Variants in ACTR3C observed in about 807,000 individuals in gnomAD.
ACTR3C encodes actin-related protein 3C.
ACTR3C carries 18 observed loss-of-function variants against 26.3 expected under a neutral mutation model. That is an observed-to-expected ratio of 0.68 (90% CI 0.47 to 1.01). The LOEUF (loss-of-function observed/expected upper bound fraction) is 1.01, where lower values mean the gene tolerates loss of function less well. Ranked by LOEUF, ACTR3C falls within the 50% of genes least tolerant of loss-of-function variation. The pLI, the probability that ACTR3C is intolerant of heterozygous loss-of-function variation, is 0.00. For synonymous variants in ACTR3C, 55 were observed against 94.5 expected (o/e 0.58, Z 2.42); for missense variants, 184 against 250.7 (o/e 0.73, Z 1.80).
At chr7:150,087,404 C>A in the ACTR3C span, among the ~76,000 whole-genome samples, 1 of 152,116 alleles carries the variant, frequency 6.6e-6, no homozygotes. Context: ...GGCTTCCTCT[C>A]TCACTATAAA....
At chr7:149,891,463 AG>A in the ACTR3C span, 1 of 511,610 alleles carries the variant, frequency 2.0e-6, no homozygotes. Context: ...TGGAAAAAAA[AG>A]ATTAAGTTAC....
chr7:149,958,171 A>G, the ACTR3C span, among the ~76,000 whole-genome samples: 1 of 152,002 alleles, frequency 6.6e-6, no homozygotes, highest in Non-Finnish European at 1.5e-5. Flanking sequence ...ACTGTTGGGC[A>G]AGAGAAGTCT....
intron 2 of ACTR3C, among the ~76,000 whole-genome samples, 168 bp downstream of exon 2, chr7:150,295,084 T>C (rs1317305723): frequency 6.6e-6 from 1 of 151,754 alleles, no homozygotes; most frequent in Non-Finnish European, 1.5e-5. Flanking sequence ...AAAAGAAAAG[T>C]CATGGGACAC....
the ACTR3C span, among the ~76,000 whole-genome samples, chr7:150,164,744 CT>C: frequency 1.1e-4 from 17 of 152,046 alleles, no homozygotes; most frequent in Non-Finnish European, 2.1e-4. Flanking sequence ...TTTGTTTCTT[CT>C]TTTTTATCAT....
the ACTR3C span, among the ~76,000 whole-genome samples, chr7:150,030,680 C>T: frequency 2.0e-5 from 3 of 152,154 alleles, no homozygotes; most frequent in East Asian, 1.9e-4. Flanking sequence ...TCACTTTCTT[C>T]GCTCCTACTC....
At chr7:150,151,484 A>T in the ACTR3C span, among the ~76,000 whole-genome samples, 58 of 137,522 alleles carry the variant, frequency 4.2e-4, 2 homozygotes, top group African/African-American at 1.4e-3. Flanking sequence ...TGAAACACAG[A>T]TAACTCACAA....
chr7:150,097,839 C>G, the ACTR3C span, among the ~76,000 whole-genome samples: 1 of 151,426 alleles, frequency 6.6e-6, no homozygotes, highest in Non-Finnish European at 1.5e-5. Context: ...TACCAACTCT[C>G]TCAGTCAAAT....
At chr7:149,929,957 C>T in the ACTR3C span, among the ~76,000 whole-genome samples, 9 of 152,308 alleles carry the variant, frequency 5.9e-5, no homozygotes, top group African/African-American at 1.9e-4. Flanking sequence ...TTAAGTCTTT[C>T]GATGGGATGC....
the ACTR3C span, among the ~76,000 whole-genome samples, chr7:149,994,758 A>C: frequency 2.0e-5 from 3 of 152,166 alleles, no homozygotes; most frequent in Non-Finnish European, 4.4e-5. Flanking sequence ...TGGAGGAGGC[A>C]GGAAATAGAA....
Position 150,295,254 on chromosome 7 carries a change from G to C in ACTR3C, c.43C>G (p.Gln15Glu). ...ATCACAAACATAACTGGTTTTACCT[G>C]AACTGCAATGTAGAGTCCTGGAACG... ...FNVPGLYIAV[Q>E]AVLALAASWT... Residue 15 changes from glutamine to glutamate, a missense_variant and splice_region_variant, in exon 2 of 8, where the codon CAG (glutamine) becomes GAG (glutamate). By Grantham distance (29) the Gln-to-Glu change is conservative. Coordinates refer to ENST00000683684, the MANE Select transcript of ACTR3C (RefSeq NM_001164458.2). 1 of 1,613,918 alleles carries C rather than the reference G, an allele frequency of 6.2e-7. No individual in the cohort carries two copies. The highest frequency in any genetic ancestry group is 8.5e-7 in the Non-Finnish European group (1 of 1,179,820).
the ACTR3C span, among the ~76,000 whole-genome samples, chr7:149,892,775 C>T: frequency 7.8e-6 from 1 of 128,384 alleles, no homozygotes; most frequent in Admixed American, 8.7e-5. Flanking sequence ...CTGTACAATA[C>T]AGAAAAGGAG....
At chr7:149,936,113 G>T in the ACTR3C span, among the ~76,000 whole-genome samples, 1 of 152,200 alleles carries the variant, frequency 6.6e-6, no homozygotes, top group Non-Finnish European at 1.5e-5. Flanking sequence ...CAAGGTGACA[G>T]AACGAGGTAG....
At chr7:150,286,197 G>A (rs1191939334) in intron 5 of ACTR3C, among the ~76,000 whole-genome samples, 170 bp downstream of exon 5, 3 of 151,794 alleles carry the variant, frequency 2.0e-5, no homozygotes, top group Non-Finnish European at 4.4e-5. Flanking sequence ...GCTCTACGGA[G>A]AGGCAAACTG....
At chr7:150,066,479 C>G in the ACTR3C span, among the ~76,000 whole-genome samples, 12 of 152,188 alleles carry the variant, frequency 7.9e-5, no homozygotes, top group Non-Finnish European at 1.5e-4. Flanking sequence ...AAGGATTTGA[C>G]CAGGTATACC....
At chr7:150,015,103 A>G in the ACTR3C span, among the ~76,000 whole-genome samples, 1 of 152,210 alleles carries the variant, frequency 6.6e-6, no homozygotes, top group East Asian at 1.9e-4. Flanking sequence ...GAAAGTATAT[A>G]TTAAATAAGG....
At chr7:150,280,292 G>C (rs186860776) in intron 6 of ACTR3C, among the ~76,000 whole-genome samples, 1 of 152,096 alleles carries the variant, frequency 6.6e-6, no homozygotes, top group Non-Finnish European at 1.5e-5. Context: ...GCTCTCACAC[G>C]GAGGCTTCCC....
the ACTR3C span, among the ~76,000 whole-genome samples, chr7:150,134,232 TAA>T: frequency 0.022 from 2,711 of 124,200 alleles, 47 homozygotes; most frequent in African/African-American, 0.063. Flanking sequence ...CTATATGCAG[TAA>T]AAAAAAAAAA....
At chr7:149,883,869 C>T in the ACTR3C span, among the ~76,000 whole-genome samples, 1 of 152,250 alleles carries the variant, frequency 6.6e-6, no homozygotes, top group Non-Finnish European at 1.5e-5. Flanking sequence ...TCGTTCTCCA[C>T]TCTGATCCCA....
At chr7:150,088,068 G>T in the ACTR3C span, among the ~76,000 whole-genome samples, 1 of 152,188 alleles carries the variant, frequency 6.6e-6, no homozygotes, top group Admixed American at 6.5e-5. Flanking sequence ...ATTCTTAATA[G>T]ATTCCAGATA....
Sources: allele counts gnomAD v4.1 joint callset (sites outside exome capture counted in the v4.1 genomes callset), GRCh38; gene constraint gnomAD v4.1.1; transcripts MANE v1.5; gene names NCBI Gene and HGNC (gene_info 2026-07-23, HGNC 2026-07-21).